The following SH3GL2 variants were observed in gnomAD, a reference collection of about 807,000 sequenced individuals.
The protein encoded by SH3GL2 is SH3 domain containing GRB2 like 2, endophilin A1, also known as endophilin-A1.
In SH3GL2, 24 loss-of-function variants were observed where a neutral mutation model predicts 46.0. The observed-to-expected ratio is 0.52, with a 90% CI of 0.38 to 0.73. SH3GL2 has a LOEUF of 0.73. Among genes scored for constraint, SH3GL2 ranks in the 30% least tolerant of loss-of-function variants. SH3GL2 has a pLI of 0.00. For missense variants in SH3GL2, 413 were observed against 424.2 expected, an observed-to-expected ratio of 0.97 and a Z score of 0.23; for synonymous variants, 196 against 147.1, an observed-to-expected ratio of 1.33 and a Z score of -2.40.
intron 1 of SH3GL2, among the ~76,000 whole-genome samples, chr9:17,647,665 A>T (rs780841938): frequency 6.6e-6 from 1 of 152,222 alleles, no homozygotes; most frequent in Non-Finnish European, 1.5e-5. Flanking sequence ...TCTTAATGGT[A>T]GTAATTATTA....
chr9:17,645,670 T>C (rs892818620), intron 1 of SH3GL2, among the ~76,000 whole-genome samples: 2 of 152,114 alleles, frequency 1.3e-5, no homozygotes, highest in African/African-American at 4.8e-5. Flanking sequence ...GGTTGAAAAT[T>C]CTTGTCTTTA....
At chr9:17,599,641 A>G (rs189692319) in intron 1 of SH3GL2, among the ~76,000 whole-genome samples, 12 of 152,354 alleles carry the variant, frequency 7.9e-5, no homozygotes, top group East Asian at 3.9e-4. Flanking sequence ...GATGTGATCT[A>G]CATTCACATG....
chr9:17,759,672 A>G (rs1203556480), intron 2 of SH3GL2, among the ~76,000 whole-genome samples: 2 of 152,158 alleles, frequency 1.3e-5, no homozygotes, highest in African/African-American at 4.8e-5. Flanking sequence ...TGATTGTTAT[A>G]ATTATTAAGG....
At chr9:17,727,534 C>T (rs1188460798) in intron 1 of SH3GL2, among the ~76,000 whole-genome samples, 1 of 152,182 alleles carries the variant, frequency 6.6e-6, no homozygotes, top group East Asian at 1.9e-4. Context: ...TGGTAGACAG[C>T]TCCCTGAAGG....
At chr9:17,707,267 C>A (rs891640001) in intron 1 of SH3GL2, among the ~76,000 whole-genome samples, 1 of 152,064 alleles carries the variant, frequency 6.6e-6, no homozygotes, top group Admixed American at 6.6e-5. Flanking sequence ...TCTATCACAT[C>A]TGAGCTGAAA....
chr9:17,652,864 A>G (rs143269976), intron 1 of SH3GL2, among the ~76,000 whole-genome samples: 1 of 152,134 alleles, frequency 6.6e-6, no homozygotes, highest in African/African-American at 2.4e-5. Context: ...TTCCTTCTAT[A>G]TTTTGTGGTC....
intron 1 of SH3GL2, among the ~76,000 whole-genome samples, chr9:17,745,829 A>C (rs1347377905): frequency 6.6e-6 from 1 of 152,158 alleles, no homozygotes; most frequent in Non-Finnish European, 1.5e-5. Flanking sequence ...AAAGACCCTC[A>C]ACCTAGCTGC....
At chr9:17,676,686 T>G (rs931994195) in intron 1 of SH3GL2, among the ~76,000 whole-genome samples, 1 of 152,174 alleles carries the variant, frequency 6.6e-6, no homozygotes, top group African/African-American at 2.4e-5. Context: ...TCCCTGAAAG[T>G]GGCATTTTGC....
At chr9:17,795,347 A>G (rs976164606) in intron 8 of SH3GL2, among the ~76,000 whole-genome samples, 197 bp from the exon 9 acceptor site, 1 of 152,218 alleles carries the variant, frequency 6.6e-6, no homozygotes, top group Non-Finnish European at 1.5e-5. Context: ...AAAGCTTCTG[A>G]GGATTGGTAG....
rs375189806 is a variant in SH3GL2 at position 17,787,112 on chromosome 9, A to G, written c.332-268A>G. Among the ~76,000 whole-genome samples the G allele has an allele frequency of 1.4e-4, 21 of 152,270 alleles. 1 individual carries two copies. The East Asian group carries it at 2.3e-3, about 17-fold the overall frequency. The stretch of plus-strand genomic sequence containing the variant: ...CTTAAGCTAGTCCCACATTAGGGAA[A>G]GCTGGTACTTACAAGAGAGGGCAGG... On this transcript the variant is annotated intron_variant, in intron 4 of 8. Transcript: ENST00000380607.
intron 8 of SH3GL2, 36 bp from the exon 9 acceptor site, chr9:17,795,508 T>C (rs777733266): frequency 1.3e-6 from 2 of 1,566,062 alleles, no homozygotes; most frequent in Non-Finnish European, 1.8e-6. Flanking sequence ...CCTTATCCTT[T>C]TGTGTTCTTC....
intron 1 of SH3GL2, among the ~76,000 whole-genome samples, chr9:17,711,700 T>A (rs1821629599): frequency 6.6e-6 from 1 of 151,884 alleles, no homozygotes; most frequent in Non-Finnish European, 1.5e-5. Flanking sequence ...ACAGTTTGTT[T>A]ATCCATAAGC....
At chr9:17,740,260 A>G (rs1176610928) in intron 1 of SH3GL2, among the ~76,000 whole-genome samples, 1 of 152,130 alleles carries the variant, frequency 6.6e-6, no homozygotes, top group Non-Finnish European at 1.5e-5. Context: ...TCAAAACATC[A>G]TGGCATTTAA....
chr9:17,764,490 A>G (rs1823265538), intron 3 of SH3GL2, among the ~76,000 whole-genome samples: 1 of 152,174 alleles, frequency 6.6e-6, no homozygotes, highest in African/African-American at 2.4e-5. Flanking sequence ...CTTTCAGTGA[A>G]CCCTAGAGCT....
intron 3 of SH3GL2, among the ~76,000 whole-genome samples, chr9:17,782,872 G>A (rs147996349): frequency 1.7e-3 from 255 of 152,192 alleles, no homozygotes; most frequent in African/African-American, 6.1e-3. Flanking sequence ...TCTAACGCAC[G>A]CCAGCCTTCA....
intron 1 of SH3GL2, among the ~76,000 whole-genome samples, chr9:17,626,445 C>G (rs927127877): frequency 1.3e-5 from 2 of 152,184 alleles, no homozygotes; most frequent in African/African-American, 4.8e-5. Flanking sequence ...ACTGTGTCCT[C>G]ATCTCTCTCT....
At chr9:17,623,065 C>CTTCCCT (rs1819193094) in intron 1 of SH3GL2, among the ~76,000 whole-genome samples, 1 of 132,156 alleles carries the variant, frequency 7.6e-6, no homozygotes, top group South Asian at 2.6e-4. Context: ...TCCCCTTCCC[C>CTTCCCT]TTCCCCTTCC....
intron 1 of SH3GL2, among the ~76,000 whole-genome samples, chr9:17,720,505 A>G (rs1821868446): frequency 6.6e-6 from 1 of 152,130 alleles, no homozygotes; most frequent in Non-Finnish European, 1.5e-5. Context: ...ACAACTCAGC[A>G]TCTGCCTTAT....
chr9:17,704,134 C>G (rs1470679390), intron 1 of SH3GL2, among the ~76,000 whole-genome samples: 1 of 151,938 alleles, frequency 6.6e-6, no homozygotes, highest in Non-Finnish European at 1.5e-5. Context: ...AGTGGCATTT[C>G]TGTACACCAA....
Sources: gnomAD v4.1 joint callset for allele counts (sites outside exome capture counted in the v4.1 genomes callset) on GRCh38, gnomAD v4.1.1 for gene constraint, MANE v1.5 for transcripts, NCBI Gene and HGNC (gene_info 2026-07-23, HGNC 2026-07-21) for gene names.